PCDHB4: variants seen among roughly 807,000 people sequenced by gnomAD.
The protein encoded by PCDHB4 is protocadherin beta 4.
For synonymous variants in PCDHB4, 482 were observed against 447.3 expected, an observed-to-expected ratio of 1.08 and a Z score of -0.98; for missense variants, 1,063 against 1,007.0, an observed-to-expected ratio of 1.06 and a Z score of -0.75.
chr5:141,121,830 C>G lies in PCDHB4; in HGVS notation c.-169C>G, dbSNP rs1752286919. 1 of 538,304 alleles carries G rather than the reference C, an allele frequency of 1.9e-6. No homozygotes were observed. 33.3% of individuals were successfully genotyped at this position (538,304 alleles called of 1,614,324 possible). ...CGCAATCAAAAACACACGGAAGAAG[C>G]GTTACAAGCAGTGCAGGTTTACCAA... On this transcript the variant is annotated 5_prime_UTR_variant, in exon 1 of 1. Transcript: ENST00000194152.
chr5:141,123,659 A>C lies in PCDHB4; in HGVS notation c.1661A>C (p.Asn554Thr), dbSNP rs539974688. 1.9e-6 allele frequency: 3 copies of C among 1,611,446 alleles called. No homozygotes were observed. The highest frequency in any genetic ancestry group is 2.2e-4 in the Middle Eastern group (1 of 4,492). The change falls in exon 1 of 1, where the codon AAC becomes ACC. Residue 554 changes from asparagine (N) to threonine (T), a missense_variant. Transcript: ENST00000194152. ...ALVRVLVLDTNDNSPFVLYPL... is the reference protein window; with the variant it reads ...ALVRVLVLDTTDNSPFVLYPL... Reference sequence around the variant, plus strand: ...GTGCGCGTGCTGGTGCTGGACACCAACGACAACTCGCCCTTCGTGCTGTAC... The same window carrying C: ...GTGCGCGTGCTGGTGCTGGACACCACCGACAACTCGCCCTTCGTGCTGTAC...
chr5:141,123,425 A>G lies in PCDHB4; in HGVS notation c.1427A>G (p.Asp476Gly). ...ALHIGSVSAT[D>G]RDSGTNAQVT... ...CACATCGGCAGTGTCAGCGCCACAG[A>G]CAGAGACTCGGGCACCAACGCCCAG... The change falls in exon 1 of 1, where the codon GAC becomes GGC. Residue 476 changes from aspartate (D) to glycine (G), a missense_variant. Coordinates refer to ENST00000194152, the MANE Select transcript of PCDHB4 (RefSeq NM_018938.4). 6.2e-7 allele frequency: 1 copy of G among 1,613,248 alleles called. No homozygotes were observed. The highest frequency in any genetic ancestry group is 8.5e-7 in the Non-Finnish European group (1 of 1,180,032).
At position 141,124,193 on chromosome 5, in the gene PCDHB4, C is replaced by T. The variant is rs782316970; in HGVS notation, c.2195C>T (p.Pro732Leu). 14 of 1,613,946 alleles carry T rather than the reference C, an allele frequency of 8.7e-6. No homozygotes were observed. Among genetic ancestry groups the T allele is most frequent in the Non-Finnish European group, 1.2e-5 (14 of 1,179,996 alleles). ...GRCSVPEGPF[P>L]GHLVDVSGTG... ...TGCTCGGTGCCCGAGGGCCCCTTTCCAGGGCATCTGGTGGACGTAAGCGGC... is the reference window on the plus strand; with the variant it reads ...TGCTCGGTGCCCGAGGGCCCCTTTCTAGGGCATCTGGTGGACGTAAGCGGC... The change falls in exon 1 of 1, where the codon CCA (proline) becomes CTA (leucine). Residue 732 changes from proline (P) to leucine (L), a missense_variant. Transcript: ENST00000194152.
rs1554274251 is a variant in PCDHB4, at chr5:141,121,966, G to T, written c.-33G>T. ...TGTCTCAAGTCTCGTTGCGGTTGCT[G>T]AGGGGATTGGATATAGGGACCTGGA... On this transcript the variant is annotated 5_prime_UTR_variant, in exon 1 of 1. Coordinates refer to ENST00000194152, the MANE Select transcript of PCDHB4 (RefSeq NM_018938.4). 1.4e-6 allele frequency: 2 copies of T among 1,453,520 alleles called. No individual in the cohort carries two copies. Among genetic ancestry groups the T allele is most frequent in the South Asian group, 1.4e-5 (1 of 73,704 alleles). 90.0% of individuals were successfully genotyped at this position (1,453,520 alleles called of 1,614,324 possible). A position where few individuals can be genotyped will look rare whatever the true frequency, so the allele number is the denominator to read the frequency against.
chr5:141,124,104 C>T lies in PCDHB4; in HGVS notation c.2106C>T (p.Phe702=), dbSNP rs145434045. 985 of 1,609,586 alleles carry T rather than the reference C, an allele frequency of 6.1e-4. No individual in the cohort carries two copies. The African/African-American group carries it at 6.2e-3, about 10-fold the overall frequency. ...ALASVSSLFL[F]SVLLFVAVRL... is the part of the protein sequence containing the mutation. ...CCTCGGTGTCGTCGCTCTTCCTCTT[C>T]TCGGTGCTCCTGTTCGTGGCGGTGC... The change falls in exon 1 of 1, where the codon TTC becomes TTT. Residue 702 remains phenylalanine, a synonymous_variant. Transcript: ENST00000194152.
Position 141,123,829 on chromosome 5 carries a change from C to A in PCDHB4, c.1831C>A (p.Pro611Thr), listed in dbSNP as rs782081599. ...GTACCAGCTGCTCAAGGCCACGGAG[C>A]CTGGGCTGTTCGGCGTGTGGGCGCA... is the stretch of plus-strand genomic sequence containing the variant. ...LSYQLLKATE[P>T]GLFGVWAHNG... The change falls in exon 1 of 1, where the codon CCT (proline) becomes ACT (threonine). Residue 611 changes from proline to threonine, a missense_variant. Coordinates refer to ENST00000194152, the MANE Select transcript of PCDHB4 (RefSeq NM_018938.4). 6.2e-7 allele frequency: 1 copy of A among 1,609,500 alleles called. No individual in the cohort carries two copies. The highest frequency in any genetic ancestry group is 1.3e-5 in the African/African-American group (1 of 74,998).
In PCDHB4 at chr5:141,123,899, C is replaced by A; in HGVS notation, c.1901C>A (p.Ala634Glu). 6.2e-7 allele frequency: 1 copy of A among 1,606,384 alleles called. No homozygotes were observed. The highest frequency in any genetic ancestry group is 1.3e-5 in the African/African-American group (1 of 74,994). ...RTARLLSERD[A>E]AKHRLVVLVK... Reference sequence around the variant, plus strand: ...GCCAGGCTGCTGAGCGAGCGCGACGCAGCCAAGCACAGGCTCGTGGTGCTT... The same window carrying A: ...GCCAGGCTGCTGAGCGAGCGCGACGAAGCCAAGCACAGGCTCGTGGTGCTT... Residue 634 changes from alanine (A) to glutamate (E), a missense_variant, in exon 1 of 1, where the codon GCA (alanine) becomes GAA (glutamate). Physicochemically the swap from Ala to Glu is moderately radical, Grantham distance 107. Coordinates refer to ENST00000194152, the MANE Select transcript of PCDHB4 (RefSeq NM_018938.4).
rs782683268 is a variant in PCDHB4 at position 141,122,606 on chromosome 5, A to C, written c.608A>C (p.Glu203Ala). The C allele has an allele frequency of 3.7e-6, 6 of 1,614,226 alleles. No homozygotes were observed. The highest frequency in any genetic ancestry group is 1.7e-6 in the Non-Finnish European group (2 of 1,180,042). Residue 203 changes from glutamate (E) to alanine (A), a missense_variant, in exon 1 of 1, where the codon GAG becomes GCG. Glu to Ala is a moderately radical substitution (Grantham distance 107). Coordinates refer to ENST00000194152, the MANE Select transcript of PCDHB4 (RefSeq NM_018938.4). ...CAGGACAAACCACTGGATCGAGAGG[A>C]GCAGCCTGAGTTCAGCTTAACCCTC... Reference protein sequence around the residue: ...LVQDKPLDREEQPEFSLTLVA... With the variant: ...LVQDKPLDREAQPEFSLTLVA...
At position 141,125,449 on chromosome 5, in the gene PCDHB4, C is replaced by T. The variant is rs575479967; in HGVS notation, c.*1063C>T. 2.4e-3 allele frequency: 372 copies of T among 152,238 alleles called. 3 individuals carry two copies. The highest frequency in any genetic ancestry group is 8.6e-3 in the African/African-American group (359 of 41,544). The allele number at this position is 152,238 out of a possible 1,614,324, so 9.4% of individuals were successfully genotyped here. ...TACATTACTTTGCAGATATGGACAG[C>T]CTTTACAAAAATAATTTTTAAATGC... On this transcript the variant is annotated 3_prime_UTR_variant, in exon 1 of 1. Coordinates refer to ENST00000194152, the MANE Select transcript of PCDHB4 (RefSeq NM_018938.4).
Position 141,122,580 on chromosome 5 carries a change from G to A in PCDHB4, c.582G>A (p.Val194=). The A allele has an allele frequency of 3.1e-6, 5 of 1,614,228 alleles. No individual in the cohort carries two copies. The highest frequency in any genetic ancestry group is 4.2e-6 in the Non-Finnish European group (5 of 1,180,036). Residue 194 remains valine (V), a synonymous_variant, in exon 1 of 1, where the codon GTG becomes GTA. Transcript: ENST00000194152. ...AGGGCAAGAAATACCCAGATTTGGT[G>A]CAGGACAAACCACTGGATCGAGAGG... ...HSEGKKYPDL[V]QDKPLDREEQ...
rs1468651833 is a variant in PCDHB4 at position 141,122,957 on chromosome 5, C to A, written c.959C>A (p.Ala320Asp). 7 of 1,611,618 alleles carry A rather than the reference C, an allele frequency of 4.3e-6. No individual in the cohort carries two copies. Among genetic ancestry groups the A allele is most frequent in the Non-Finnish European group, 5.9e-6 (7 of 1,179,380 alleles). The change falls in exon 1 of 1, where the codon GCC becomes GAC. Residue 320 changes from alanine (A) to aspartate (D), a missense_variant. By Grantham distance (126) the Ala-to-Asp change is moderately radical (BLOSUM62 -2). Transcript: ENST00000194152. ...KIKSYHVEIE[A>D]TDGGGLSGKG... ...AAATCTTACCATGTAGAAATTGAGG[C>A]CACAGATGGAGGAGGCCTTTCTGGA...
At position 141,122,178 on chromosome 5, in the gene PCDHB4, C is replaced by A. The variant is rs1554274295; in HGVS notation, c.180C>A (p.Ser60=). The A allele has an allele frequency of 6.2e-7, 1 of 1,614,194 alleles. No individual in the cohort carries two copies. The highest frequency in any genetic ancestry group is 1.7e-5 in the Admixed American group (1 of 60,024). Residue 60 remains serine, a synonymous_variant, in exon 1 of 1, where the codon TCC becomes TCA. Transcript: ENST00000194152. The part of the protein sequence containing the change: ...DLGLGIGELA[S]RSARVLSDDD... ...GCCTGGGAATTGGGGAACTGGCCTCCCGGTCAGCCCGGGTGCTGTCTGACG... is the reference window on the plus strand; with the variant it reads ...GCCTGGGAATTGGGGAACTGGCCTCACGGTCAGCCCGGGTGCTGTCTGACG...
rs782586198 is a variant in PCDHB4 at position 141,122,685 on chromosome 5, C to A, written c.687C>A (p.Ile229=). 7 of 1,614,054 alleles carry A rather than the reference C, an allele frequency of 4.3e-6. No homozygotes were observed. Among genetic ancestry groups the A allele is most frequent in the African/African-American group, 2.7e-5 (2 of 74,914 alleles). Residue 229 remains isoleucine, a synonymous_variant, in exon 1 of 1, where the codon ATC becomes ATA. Transcript: ENST00000194152. ...GGTCTGGCACGGTCATGGTTCGAATCCTGATCATGGACATCAATGACAATG... is the reference window on the plus strand; with the variant it reads ...GGTCTGGCACGGTCATGGTTCGAATACTGATCATGGACATCAATGACAATG... ...PPRSGTVMVR[I]LIMDINDNAP... is the part of the protein sequence containing the mutation.
In PCDHB4 at chr5:141,124,650, T is replaced by G. The variant is rs1042322397; in HGVS notation, c.*264T>G. ...CTTTTTGTAATCATAAATTACTCAA[T>G]TAGGATAAAAATAAATTATGTTTTA... On this transcript the variant is annotated 3_prime_UTR_variant, in exon 1 of 1. Transcript: ENST00000194152. The G allele has an allele frequency of 3.7e-5, 11 of 297,362 alleles. No homozygotes were observed. The highest frequency in any genetic ancestry group is 5.5e-5 in the Non-Finnish European group (9 of 162,426). The allele number at this position is 297,362 out of a possible 1,614,324, so 18.4% of individuals were successfully genotyped here. A position where few individuals can be genotyped will look rare whatever the true frequency, so the allele number is the denominator to read the frequency against.
At position 141,123,946 on chromosome 5, in the gene PCDHB4, C is replaced by T. The variant is rs1554274671; in HGVS notation, c.1948C>T (p.Pro650Ser). 1.9e-6 allele frequency: 3 copies of T among 1,604,422 alleles called. No homozygotes were observed. The highest frequency in any genetic ancestry group is 1.7e-6 in the Non-Finnish European group (2 of 1,179,682). ...GCTTGTCAAGGACAATGGCGAGCCT[C>T]CGCGCTCGGCCACCGCCACGCTGCA... The part of the protein sequence containing the change: ...VVLVKDNGEP[P>S]RSATATLHVL... The change falls in exon 1 of 1, where the codon CCG becomes TCG. Residue 650 changes from proline to serine, a missense_variant. By Grantham distance (74) the Pro-to-Ser change is moderately conservative. Coordinates refer to ENST00000194152, the MANE Select transcript of PCDHB4 (RefSeq NM_018938.4).
In PCDHB4 at chr5:141,122,188, C is replaced by T. The variant is rs782037544; in HGVS notation, c.190C>T (p.Arg64Trp). Residue 64 changes from arginine to tryptophan, a missense_variant, in exon 1 of 1, where the codon CGG becomes TGG. Coordinates refer to ENST00000194152, the MANE Select transcript of PCDHB4 (RefSeq NM_018938.4). ...GIGELASRSA[R>W]VLSDDDKQRL... ...TGGGGAACTGGCCTCCCGGTCAGCCCGGGTGCTGTCTGACGATGACAAGCA... is the reference window on the plus strand; with the variant it reads ...TGGGGAACTGGCCTCCCGGTCAGCCTGGGTGCTGTCTGACGATGACAAGCA... 1.8e-5 allele frequency: 29 copies of T among 1,614,028 alleles called. No homozygotes were observed. Among genetic ancestry groups the T allele is most frequent in the African/African-American group, 4.0e-5 (3 of 74,920 alleles).
rs1752379043 is a variant in PCDHB4, at chr5:141,124,489, C to G, written c.*103C>G. On this transcript the variant is annotated 3_prime_UTR_variant, in exon 1 of 1. Coordinates refer to ENST00000194152, the MANE Select transcript of PCDHB4 (RefSeq NM_018938.4). ...TCTACTTATCTAAATATTCATACCA[C>G]AATTTCAAACCTACTCATGTCCCTG... is the stretch of plus-strand genomic sequence containing the variant. 4 of 995,732 alleles carry G rather than the reference C, an allele frequency of 4.0e-6. No individual in the cohort carries two copies. Among genetic ancestry groups the G allele is most frequent in the South Asian group, 1.8e-5 (1 of 54,424 alleles). The allele number at this position is 995,732 out of a possible 1,614,324, so 61.7% of individuals were successfully genotyped here.
In PCDHB4 at chr5:141,123,590, G is replaced by A; in HGVS notation, c.1592G>A (p.Gly531Asp). The A allele has an allele frequency of 1.9e-6, 3 of 1,612,412 alleles. No individual in the cohort carries two copies. The highest frequency in any genetic ancestry group is 2.5e-6 in the Non-Finnish European group (3 of 1,179,814). The change falls in exon 1 of 1, where the codon GGC becomes GAC. Residue 531 changes from glycine to aspartate, a missense_variant. Physicochemically the swap from Gly to Asp is moderately conservative, Grantham distance 94 (BLOSUM62 -1). Transcript: ENST00000194152. Reference protein sequence around the residue: ...EALQAFEFRVGASDRGSPALS... With the variant: ...EALQAFEFRVDASDRGSPALS... The stretch of plus-strand genomic sequence containing the variant: ...CTGCAGGCGTTCGAGTTCCGCGTGG[G>A]CGCCTCAGACCGCGGTTCTCCGGCT...
Position 141,123,765 on chromosome 5 carries a change from G to T in PCDHB4, c.1767G>T (p.Val589=). The T allele has an allele frequency of 6.2e-7, 1 of 1,610,276 alleles. No individual in the cohort carries two copies. Residue 589 remains valine, a synonymous_variant, in exon 1 of 1, where the codon GTG becomes GTT. Coordinates refer to ENST00000194152, the MANE Select transcript of PCDHB4 (RefSeq NM_018938.4). ...CGGGCTACCTGGTGACCAAGGTGGT[G>T]GCGGTGGACGGCGACTCGGGCCAGA... ...AEPGYLVTKV[V]AVDGDSGQNA...
Sources: allele counts gnomAD v4.1 joint callset, GRCh38; gene constraint gnomAD v4.1.1; transcripts MANE v1.5; gene names NCBI Gene and HGNC (gene_info 2026-07-23, HGNC 2026-07-21).